FCRL5: variants seen among roughly 807,000 people sequenced by gnomAD.
FCRL5 encodes Fc receptor-like protein 5.
A neutral mutation model predicts 92.1 loss-of-function variants in FCRL5; 79 were observed. The ratio of observed to expected loss-of-function variants is 0.86; its 90% CI spans 0.72 to 1.03. The LOEUF (loss-of-function observed/expected upper bound fraction) is 1.03, where lower values mean the gene tolerates loss of function less well. Ranked by LOEUF, FCRL5 falls within the 50% of genes least tolerant of loss-of-function variation. The probability of loss-of-function intolerance (pLI) is 0.00; values close to 1 mark genes in which losing one functional copy is unlikely to be tolerated. For synonymous variants in FCRL5, 466 were observed against 469.3 expected, an observed-to-expected ratio of 0.99 and a Z score of 0.09; for missense variants, 1,160 against 1,181.1, an observed-to-expected ratio of 0.98 and a Z score of 0.26.
chr1:157,547,563 T>A (rs564180639), intron 2 of FCRL5, among the ~76,000 whole-genome samples: 40 of 152,316 alleles, frequency 2.6e-4, no homozygotes, highest in Non-Finnish European at 4.7e-4. Flanking sequence ...AAAATCACAA[T>A]TTTGCACTTT....
chr1:157,521,139 G>C lies in FCRL5; in HGVS notation c.2393C>G (p.Ser798Cys). ...HEDVTLGNRS[S>C]PSGGASLNLS... ...GTTTAAGGACGCTCCTCCAGAGGGG[G>C]ACGACCTATTTCCTAGGGTGACATC... is the stretch of plus-strand genomic sequence containing the variant. Residue 798 changes from serine to cysteine, a missense_variant, in exon 11 of 17, where the codon TCC (serine) becomes TGC (cysteine). Coordinates refer to ENST00000361835, the MANE Select transcript of FCRL5 (RefSeq NM_031281.3). The C allele has an allele frequency of 6.2e-7, 1 of 1,614,204 alleles. No individual in the cohort carries two copies. The highest frequency in any genetic ancestry group is 8.5e-7 in the Non-Finnish European group (1 of 1,180,046).
intron 1 of FCRL5, among the ~76,000 whole-genome samples, chr1:157,550,672 G>C (rs1180855894): frequency 1.3e-5 from 2 of 152,158 alleles, no homozygotes; most frequent in Non-Finnish European, 2.9e-5. Context: ...CTATAACGGT[G>C]AATGGCATAT....
Position 157,521,304 on chromosome 1 carries a change from C to G in FCRL5, c.2240-12G>C. On this transcript the variant is annotated splice_polypyrimidine_tract_variant and intron_variant, in intron 10 of 16. Coordinates refer to ENST00000361835, the MANE Select transcript of FCRL5 (RefSeq NM_031281.3). ...GCGAGACACCGGAACTGAAAGAGAA[C>G]AAAAAGTCAACAGCAGTTTCTGCTT... 6.3e-7 allele frequency: 1 copy of G among 1,583,008 alleles called. No individual in the cohort carries two copies. The highest frequency in any genetic ancestry group is 8.6e-7 in the Non-Finnish European group (1 of 1,166,972).
chr1:157,527,950 T>G, intron 8 of FCRL5, 55 bp from the exon 9 acceptor site: 1 of 1,491,774 alleles, frequency 6.7e-7, no homozygotes, highest in Non-Finnish European at 9.0e-7. Context: ...GAAACAGCTC[T>G]TTGTCCTAGC....
chr1:157,548,181 G>T (rs1311247899), intron 2 of FCRL5, among the ~76,000 whole-genome samples: 1 of 152,254 alleles, frequency 6.6e-6, no homozygotes, highest in Non-Finnish European at 1.5e-5. Flanking sequence ...AGCTGCTTGG[G>T]CATTCACCCC....
chr1:157,520,167 G>C lies in FCRL5; in HGVS notation c.2632+264C>G, dbSNP rs559081169. Among the ~76,000 whole-genome samples the C allele has an allele frequency of 6.3e-4, 96 of 152,222 alleles. 2 individuals carry two copies. The South Asian group carries it at 0.019, about 30-fold the overall frequency. On this transcript the variant is annotated intron_variant, in intron 12 of 16. Coordinates refer to ENST00000361835, the MANE Select transcript of FCRL5 (RefSeq NM_031281.3). Reference sequence around the variant, plus strand: ...CCCATTCGTTGGGGGGGTCTTATAAGGGTCGAGAGGAAGACACTCTGTAGT... The same window carrying C: ...CCCATTCGTTGGGGGGGTCTTATAACGGTCGAGAGGAAGACACTCTGTAGT...
rs1330130230 is a variant in FCRL5, at chr1:157,544,383, G to C, written c.723C>G (p.Leu241=). The change falls in exon 5 of 17, where the codon CTC becomes CTG. Residue 241 remains leucine, a synonymous_variant. Transcript: ENST00000361835. ...DDQTLGLGWS[L]SPNFQITAMW... ...TGGCAGTAATCTGGAAATTCGGGGAGAGACTCCAGCCTAATCCCAGGGTCT... is the reference window on the plus strand; with the variant it reads ...TGGCAGTAATCTGGAAATTCGGGGACAGACTCCAGCCTAATCCCAGGGTCT... 4.3e-6 allele frequency: 7 copies of C among 1,614,228 alleles called. No individual in the cohort carries two copies. In the Admixed American group the frequency reaches 8.3e-5, roughly 19 times the overall value.
At position 157,521,157 on chromosome 1, in the gene FCRL5, G is replaced by T. The variant is rs1650169033; in HGVS notation, c.2375C>A (p.Thr792Asn). 2 of 1,614,032 alleles carry T rather than the reference G, an allele frequency of 1.2e-6. No individual in the cohort carries two copies. The highest frequency in any genetic ancestry group is 1.7e-5 in the Admixed American group (1 of 60,010). ...AGAGGGGGACGACCTATTTCCTAGG[G>T]TGACATCCTCATGAAAAAACCGGTA... is the stretch of plus-strand genomic sequence containing the variant. ...ILYRFFHEDV[T>N]LGNRSSPSGG... is the part of the protein sequence containing the mutation. Residue 792 changes from threonine to asparagine, a missense_variant, in exon 11 of 17, where the codon ACC (threonine) becomes AAC (asparagine). Coordinates refer to ENST00000361835, the MANE Select transcript of FCRL5 (RefSeq NM_031281.3).
intron 9 of FCRL5, among the ~76,000 whole-genome samples, chr1:157,526,935 G>T (rs908642356): frequency 4.6e-5 from 7 of 152,132 alleles, no homozygotes; most frequent in African/African-American, 1.4e-4. Flanking sequence ...ACAGGCCATG[G>T]TGTTAAGGGG....
Position 157,527,836 on chromosome 1 carries a change from C to T in FCRL5, c.1741G>A (p.Asp581Asn). The T allele has an allele frequency of 1.2e-6, 2 of 1,611,390 alleles. No homozygotes were observed. The highest frequency in any genetic ancestry group is 8.5e-7 in the Non-Finnish European group (1 of 1,178,478). ...RVPRAQAVVG[D>N]LLELHCEAPR... The stretch of plus-strand genomic sequence containing the variant: ...GCCTCACAGTGAAGCTCCAGCAGGT[C>T]CCCCACCACAGCCTGGGCCCTGGGA... The change falls in exon 9 of 17, where the codon GAC becomes AAC. Residue 581 changes from aspartate to asparagine, a missense_variant. By Grantham distance (23) the Asp-to-Asn change is conservative. Transcript: ENST00000361835.
At position 157,528,890 on chromosome 1, in the gene FCRL5, T is replaced by G. The variant is rs866196708; in HGVS notation, c.1682-995A>C. On this transcript the variant is annotated intron_variant, in intron 8 of 16. Transcript: ENST00000361835. The stretch of plus-strand genomic sequence containing the variant: ...ATACTTTAAAAAACTCTTCTAGACA[T>G]TGGTTGGCTTAGGCAGAGTTCATGA... Among the ~76,000 whole-genome samples, 8 of 152,312 alleles carry G rather than the reference T, an allele frequency of 5.3e-5. No homozygotes were observed. In the Middle Eastern group the frequency reaches 0.017, roughly 324 times the overall value.
chr1:157,547,870 G>T (rs1386207922), intron 2 of FCRL5, among the ~76,000 whole-genome samples: 1 of 152,212 alleles, frequency 6.6e-6, no homozygotes, highest in East Asian at 1.9e-4. Flanking sequence ...GTAAGAGCCA[G>T]AACTAATTAA....
intron 7 of FCRL5, among the ~76,000 whole-genome samples, chr1:157,537,974 G>A (rs1314587810): frequency 6.6e-6 from 1 of 152,176 alleles, no homozygotes. Context: ...TAGCCCCTGT[G>A]AACTGTGTGG....
chr1:157,517,211 C>T (rs1558124818), intron 15 of FCRL5, among the ~76,000 whole-genome samples: 1 of 152,180 alleles, frequency 6.6e-6, no homozygotes, highest in Admixed American at 6.5e-5. Flanking sequence ...ATAGCCAGAC[C>T]TCCAGCATGT....
At position 157,544,316 on chromosome 1, in the gene FCRL5, TTGCTGCCTTACACC is replaced by T. The variant is rs1254033814; in HGVS notation, c.776_789del (p.Trp259TyrfsTer9). The T allele has an allele frequency of 6.8e-6, 11 of 1,614,062 alleles. No individual in the cohort carries two copies. The highest frequency in any genetic ancestry group is 7.6e-6 in the Non-Finnish European group (9 of 1,179,990). ...TCAGATATGACGCTGTAAGGCATTGTTGCTGCCTTACACCAGTAGAACCCTGAATCTTTACTCCA... is the reference window on the plus strand; with the variant it reads ...TCAGATATGACGCTGTAAGGCATTGTAGTAGAACCCTGAATCTTTACTCCA... On this transcript the variant is annotated frameshift_variant, in exon 5 of 17. Transcript: ENST00000361835. LOFTEE classifies it high-confidence loss of function.
At chr1:157,542,793 C>G (rs931138132) in intron 6 of FCRL5, 66 bp downstream of exon 6, 7 of 1,553,040 alleles carry the variant, frequency 4.5e-6, no homozygotes, top group African/African-American at 1.4e-5. Flanking sequence ...ATGCTGACTT[C>G]CGAAGGGCAG....
intron 15 of FCRL5, among the ~76,000 whole-genome samples, 184 bp downstream of exon 15, chr1:157,518,244 GA>G (rs2101591510): frequency 6.6e-6 from 1 of 152,274 alleles, no homozygotes; most frequent in East Asian, 1.9e-4. Flanking sequence ...AGAGAATAGG[GA>G]AAGGAGAGTG....
intron 12 of FCRL5, among the ~76,000 whole-genome samples, 153 bp downstream of exon 12, chr1:157,520,278 T>C (rs1650115704): frequency 6.6e-6 from 1 of 152,156 alleles, no homozygotes; most frequent in Non-Finnish European, 1.5e-5. Flanking sequence ...GTAAAAGCAA[T>C]TCGGGAGGAC....
chr1:157,547,580 G>C (rs1272206567), intron 2 of FCRL5, among the ~76,000 whole-genome samples: 1 of 152,206 alleles, frequency 6.6e-6, no homozygotes, highest in Non-Finnish European at 1.5e-5. Flanking sequence ...CTTTCCCTAA[G>C]AGAATAAATC....
Sources: allele counts gnomAD v4.1 joint callset (sites outside exome capture counted in the v4.1 genomes callset), GRCh38; gene constraint gnomAD v4.1.1; transcripts MANE v1.5; gene names NCBI Gene and HGNC (gene_info 2026-07-23, HGNC 2026-07-21).